The following THOC2 variants were observed in gnomAD, a reference collection of about 807,000 sequenced individuals.
THOC2 encodes the protein THO complex subunit 2.
A neutral mutation model predicts 128.4 loss-of-function variants in THOC2; 10 were observed. The observed-to-expected ratio is 0.08, with a 90% CI of 0.05 to 0.13. THOC2 has a LOEUF of 0.13. THOC2 is among the 10% of genes least tolerant of loss of function. THOC2 has a pLI of 1.00. For synonymous variants in THOC2, 393 were observed against 396.9 expected (o/e 0.99, Z 0.12); for missense variants, 535 against 1,155.7 (o/e 0.46, Z 7.79).
chrX:123,633,130 C>G lies in THOC2; in HGVS notation c.2137-90G>C, dbSNP rs187195076. On this transcript the variant is annotated intron_variant, in intron 20 of 38. Transcript: ENST00000245838. Reference sequence around the variant, plus strand: ...CACAGAAAAAAGTTGAGTTAAAATGCTTAATATAAAAAACTCCTACATTCC... The same window carrying G: ...CACAGAAAAAAGTTGAGTTAAAATGGTTAATATAAAAAACTCCTACATTCC... 4.9e-5 allele frequency: 31 copies of G among 637,956 alleles called. No individual in the cohort carries two copies. The African/African-American group carries it at 6.3e-4, about 13-fold the overall frequency. 52.6% of individuals were successfully genotyped at this position (637,956 alleles called of 1,213,427 possible).
chrX:123,695,979 T>G (rs1245391367), intron 7 of THOC2, 42 bp downstream of exon 7: 2 of 915,647 alleles, frequency 2.2e-6, no homozygotes, highest in Non-Finnish European at 1.5e-6. Context: ...CTAAAATAAC[T>G]TGTTATCTTA....
At chrX:123,688,177 T>C (rs761073649) in intron 7 of THOC2, among the ~76,000 whole-genome samples, 20 of 112,115 alleles carry the variant, frequency 1.8e-4, no homozygotes, top group African/African-American at 5.8e-4. Flanking sequence ...ACGGCAGGTT[T>C]ATCTGTAATA....
intron 36 of THOC2, among the ~76,000 whole-genome samples, chrX:123,612,265 C>T (rs1301068724): frequency 3.6e-5 from 4 of 111,550 alleles, no homozygotes; most frequent in South Asian, 3.7e-4. Context: ...ATAGCCAAAA[C>T]GTGGAAACAA....
intron 1 of THOC2, among the ~76,000 whole-genome samples, chrX:123,722,369 A>G (rs1181329996): frequency 8.9e-6 from 1 of 111,998 alleles, no homozygotes; most frequent in Non-Finnish European, 1.9e-5. Flanking sequence ...CATATATACC[A>G]TGGAATACTA....
At chrX:123,683,315 A>G (rs896479289) in intron 8 of THOC2, among the ~76,000 whole-genome samples, 9 of 111,005 alleles carry the variant, frequency 8.1e-5, no homozygotes, top group Non-Finnish European at 1.5e-4. Context: ...AAGCCTATTA[A>G]TCCAAATAAG....
At chrX:123,662,571 G>C (rs2048878739) in intron 12 of THOC2, among the ~76,000 whole-genome samples, 2 of 83,691 alleles carry the variant, frequency 2.4e-5, no homozygotes. Flanking sequence ...CTGGGCAACA[G>C]AGCGAGACTC....
In THOC2 at chrX:123,631,664, G is replaced by A. The variant is rs748403424; in HGVS notation, c.2481+24C>T. The A allele has an allele frequency of 1.5e-5, 18 of 1,198,535 alleles. No individual in the cohort carries two copies. In the South Asian group the frequency reaches 1.8e-4, roughly 12 times the overall value. On this transcript the variant is annotated intron_variant, in intron 22 of 38. Coordinates refer to ENST00000245838, the MANE Select transcript of THOC2 (RefSeq NM_001081550.2). ...GAAATAATTTGGATCGTTCTTGAGC[G>A]GCAGCAAAGACACTTGTACTTACCG...
chrX:123,732,401 G>A (rs1383197910), intron 1 of THOC2, among the ~76,000 whole-genome samples: 1 of 112,568 alleles, frequency 8.9e-6, no homozygotes, highest in Non-Finnish European at 1.9e-5. Flanking sequence ...GGGAGGGCGA[G>A]AGGTGCCAAA....
At chrX:123,726,485 C>G (rs1195582583) in intron 1 of THOC2, among the ~76,000 whole-genome samples, 1 of 107,534 alleles carries the variant, frequency 9.3e-6, no homozygotes, top group Non-Finnish European at 1.9e-5. Context: ...TGCACTCCAG[C>G]CTGGGCAACA....
chrX:123,658,551 A>G (rs1351577871), intron 12 of THOC2, among the ~76,000 whole-genome samples: 1 of 112,345 alleles, frequency 8.9e-6, no homozygotes, highest in Non-Finnish European at 1.9e-5. Flanking sequence ...AAAGACACAG[A>G]GGAAACCTAA....
At chrX:123,713,476 C>CAAAAAAAA (rs1245124629) in intron 1 of THOC2, among the ~76,000 whole-genome samples, 67 of 38,378 alleles carry the variant, frequency 1.7e-3, no homozygotes, top group African/African-American at 5.6e-3. Flanking sequence ...TCTGTCTCTA[C>CAAAAAAAA]AAAAAAAAAA....
rs779529650 is a variant in THOC2 at position 123,626,589 on chromosome X, T to C, written c.2831A>G (p.Lys944Arg). 1.7e-6 allele frequency: 2 copies of C among 1,203,120 alleles called. No homozygotes were observed. Among genetic ancestry groups the C allele is most frequent in the Non-Finnish European group, 2.2e-6 (2 of 891,963 alleles). The change falls in exon 24 of 39, where the codon AAA (lysine) becomes AGA (arginine). Residue 944 changes from lysine (K) to arginine (R), a missense_variant. Around this residue, in one of 9 missense-constraint regions of THOC2, gnomAD observed 90 missense variants for 298.6 expected, o/e 0.30. Coordinates refer to ENST00000245838, the MANE Select transcript of THOC2 (RefSeq NM_001081550.2). Reference protein sequence around the residue: ...LQDKLLEEEKKQMEHVQRVLQ... With the variant: ...LQDKLLEEEKRQMEHVQRVLQ... ...AACTCTCTGTACATGTTCCATCTGT[T>C]TCTTTTCTTCTTCAAGAAGCTTGTC...
chrX:123,681,649 G>C lies in THOC2; in HGVS notation c.768+4899C>G, dbSNP rs1265885101. ...CGCCATTAAAAAATGGAGAAGGTGGGGAACTATTCTAAATTAAAAGAGACG... is the reference window on the plus strand; with the variant it reads ...CGCCATTAAAAAATGGAGAAGGTGGCGAACTATTCTAAATTAAAAGAGACG... On this transcript the variant is annotated intron_variant, in intron 8 of 38. Coordinates refer to ENST00000245838, the MANE Select transcript of THOC2 (RefSeq NM_001081550.2). 2.7e-5 allele frequency among the ~76,000 whole-genome samples: 3 copies of C among 111,862 alleles called. No homozygotes were observed. The East Asian group carries it at 8.3e-4, about 31-fold the overall frequency.
At position 123,668,160 on chromosome X, in the gene THOC2, T is replaced by G; in HGVS notation, c.1016A>C (p.Lys339Thr). ...ATTTTACTAGAATGAATTACATACT[T>G]TCTCTACTTTCTCCTCTTCTTTTTC... Reference protein sequence around the residue: ...EKEKEEEKVEKPPDNQKLGLL... With the variant: ...EKEKEEEKVETPPDNQKLGLL... The change falls in exon 10 of 39, where the codon AAA (lysine) becomes ACA (threonine). Residue 339 changes from lysine (K) to threonine (T), a missense_variant and splice_region_variant. Around this residue, in one of 9 missense-constraint regions of THOC2, gnomAD observed 197 missense variants for 313.4 expected, o/e 0.63. Transcript: ENST00000245838. The G allele has an allele frequency of 8.5e-7, 1 of 1,169,770 alleles. No homozygotes were observed. The highest frequency in any genetic ancestry group is 1.1e-6 in the Non-Finnish European group (1 of 870,654).
chrX:123,724,019 T>C (rs745750859), intron 1 of THOC2, among the ~76,000 whole-genome samples: 1 of 111,580 alleles, frequency 9.0e-6, no homozygotes, highest in Non-Finnish European at 1.9e-5. Context: ...TTTCACAATT[T>C]AGAAAAAAAT....
intron 8 of THOC2, among the ~76,000 whole-genome samples, chrX:123,682,661 C>T (rs973689670): frequency 1.8e-5 from 2 of 111,583 alleles, no homozygotes; most frequent in Non-Finnish European, 3.8e-5. Context: ...TGTATTTTTC[C>T]CCATCTCATT....
chrX:123,668,199 C>T lies in THOC2; in HGVS notation c.977G>A (p.Arg326Gln), dbSNP rs2049124170. The T allele has an allele frequency of 2.5e-6, 3 of 1,194,682 alleles. No individual in the cohort carries two copies. Among genetic ancestry groups the T allele is most frequent in the East Asian group, 3.0e-5 (1 of 33,118 alleles). ...CTCTTCTTTTTCCTTTTCTTTCTCTCGCTCATCCATTTTTTCAGAAGACAA... is the reference window on the plus strand; with the variant it reads ...CTCTTCTTTTTCCTTTTCTTTCTCTTGCTCATCCATTTTTTCAGAAGACAA... Reference protein sequence around the residue: ...VVLSSEKMDEREKEKEKEEEK... With the variant: ...VVLSSEKMDEQEKEKEKEEEK... Residue 326 changes from arginine (R) to glutamine (Q), a missense_variant, in exon 10 of 39, where the codon CGA (arginine) becomes CAA (glutamine). This residue lies in a region of THOC2 where 197 missense variants were observed against 313.4 expected (regional missense o/e 0.63). Transcript: ENST00000245838.
rs374759237 is a variant in THOC2, at chrX:123,621,231, C to A, written c.4142G>T (p.Gly1381Val). 4.2e-5 allele frequency: 51 copies of A among 1,208,983 alleles called. No homozygotes were observed. The highest frequency in any genetic ancestry group is 5.4e-5 in the Non-Finnish European group (48 of 894,989). The change falls in exon 31 of 39, where the codon GGA (glycine) becomes GTA (valine). Residue 1381 changes from glycine (G) to valine (V), a missense_variant. Coordinates refer to ENST00000245838, the MANE Select transcript of THOC2 (RefSeq NM_001081550.2). ...CCCAGAAACTGGTGTTTTTTCTCCT[C>A]CTTTAACATTTTCCTTTGATTTCAT... ...KEMKSKENVK[G>V]GEKTPVSGSL...
chrX:123,642,138 G>C (rs1437500122), intron 15 of THOC2, among the ~76,000 whole-genome samples: 1 of 112,224 alleles, frequency 8.9e-6, no homozygotes, highest in Non-Finnish European at 1.9e-5. Flanking sequence ...AGAAATATAA[G>C]GATGAAGCCG....
Sources: gnomAD v4.1 joint callset for allele counts (sites outside exome capture counted in the v4.1 genomes callset) on GRCh38, gnomAD v4.1.1 for gene constraint, gnomAD v4.1.1 regional missense constraint, MANE v1.5 for transcripts, NCBI Gene and HGNC (gene_info 2026-07-23, HGNC 2026-07-21) for gene names.